The following MITF variants were observed in gnomAD, a reference collection of about 807,000 sequenced individuals.
MITF encodes microphthalmia-associated transcription factor.
MITF carries 17 observed loss-of-function variants against 60.5 expected under a neutral mutation model. The observed-to-expected ratio is 0.28, with a 90% confidence interval of 0.19 to 0.42. MITF has a LOEUF of 0.42. Ranked by LOEUF, MITF falls within the 10% of genes least tolerant of loss-of-function variation. The pLI, the probability that MITF is intolerant of heterozygous loss-of-function variation, is 1.00. For synonymous variants in MITF, 260 were observed against 248.5 expected, an observed-to-expected ratio of 1.05 and a Z score of -0.43; for missense variants, 622 against 683.5, an observed-to-expected ratio of 0.91 and a Z score of 1.00.
intron 1 of MITF, among the ~76,000 whole-genome samples, chr3:69,757,727 C>T (rs1265792074): frequency 6.6e-6 from 1 of 152,010 alleles, no homozygotes; most frequent in African/African-American, 2.4e-5. Context: ...GTAAGAGATC[C>T]GACTTTTACT....
chr3:69,819,965 A>G (rs1314309396), intron 1 of MITF, among the ~76,000 whole-genome samples: 1 of 152,180 alleles, frequency 6.6e-6, no homozygotes, highest in Non-Finnish European at 1.5e-5. Context: ...CTCTGTCTCA[A>G]AAAACAAACA....
At chr3:69,874,935 G>A (rs1002529579) in intron 1 of MITF, among the ~76,000 whole-genome samples, 2 of 152,170 alleles carry the variant, frequency 1.3e-5, no homozygotes, top group African/African-American at 4.8e-5. Context: ...GAAGAGGGAG[G>A]CTTTGAAGGT....
At chr3:69,857,453 A>G (rs1279027609) in intron 1 of MITF, among the ~76,000 whole-genome samples, 3 of 152,106 alleles carry the variant, frequency 2.0e-5, no homozygotes, top group African/African-American at 7.2e-5. Flanking sequence ...TGACAATATG[A>G]TAAACAATTC....
At chr3:69,742,999 C>T (rs1168666640) in intron 1 of MITF, among the ~76,000 whole-genome samples, 1 of 152,148 alleles carries the variant, frequency 6.6e-6, no homozygotes, top group Non-Finnish European at 1.5e-5. Context: ...CTGCAAACTC[C>T]AAGGGAACAG....
At chr3:69,950,464 A>G (rs1248034470) in intron 6 of MITF, among the ~76,000 whole-genome samples, 1 of 148,508 alleles carries the variant, frequency 6.7e-6, no homozygotes, top group Non-Finnish European at 1.5e-5. Context: ...ATATATATAT[A>G]TATATATATA....
chr3:69,921,843 T>A (rs1481548982), intron 2 of MITF, among the ~76,000 whole-genome samples: 1 of 152,214 alleles, frequency 6.6e-6, no homozygotes, highest in Non-Finnish European at 1.5e-5. Context: ...TGTGGCATTA[T>A]TAACACTGGG....
At chr3:69,791,692 C>G (rs1339968590) in intron 1 of MITF, among the ~76,000 whole-genome samples, 2 of 152,072 alleles carry the variant, frequency 1.3e-5, no homozygotes, top group East Asian at 1.9e-4. Context: ...CAAGATAGGG[C>G]TGGTGGCATC....
At chr3:69,897,191 G>A (rs1235710003) in intron 2 of MITF, among the ~76,000 whole-genome samples, 2 of 152,158 alleles carry the variant, frequency 1.3e-5, no homozygotes, top group African/African-American at 2.4e-5. Context: ...GAAGAAGGTG[G>A]TTAAGGTGGA....
At chr3:69,886,048 G>T (rs2107301944) in intron 2 of MITF, among the ~76,000 whole-genome samples, 1 of 152,230 alleles carries the variant, frequency 6.6e-6, no homozygotes, top group South Asian at 2.1e-4. Flanking sequence ...CAAGTAGGTG[G>T]TGCAGTCAGG....
chr3:69,949,266 C>T, intron 6 of MITF, 98 bp downstream of exon 6: 3 of 908,046 alleles, frequency 3.3e-6, no homozygotes, highest in Non-Finnish European at 3.7e-6. Context: ...ATATCCAACT[C>T]ATGGACGTAA....
intron 7 of MITF, 135 bp downstream of exon 7, chr3:69,952,021 T>C: frequency 1.4e-6 from 1 of 716,706 alleles, no homozygotes; most frequent in Non-Finnish European, 2.5e-6. Flanking sequence ...GAAAATTGTA[T>C]TTGACAGAAA....
intron 9 of MITF, 60 bp downstream of exon 9, chr3:69,959,480 C>T: frequency 6.3e-7 from 1 of 1,598,478 alleles, no homozygotes; most frequent in Non-Finnish European, 8.6e-7. Context: ...ACAGTAGAAA[C>T]AGGGATATAA....
chr3:69,751,784 G>A (rs1703950278), intron 1 of MITF, among the ~76,000 whole-genome samples: 1 of 152,052 alleles, frequency 6.6e-6, no homozygotes, highest in Non-Finnish European at 1.5e-5. Flanking sequence ...TTGGATCTGT[G>A]TCTCTACCAT....
intron 2 of MITF, among the ~76,000 whole-genome samples, chr3:69,899,783 A>G (rs1489649851): frequency 6.6e-6 from 1 of 152,188 alleles, no homozygotes; most frequent in East Asian, 1.9e-4. Flanking sequence ...TAACTTCAGG[A>G]GACATGAATT....
At chr3:69,919,494 T>G (rs2107422119) in intron 2 of MITF, among the ~76,000 whole-genome samples, 1 of 152,356 alleles carries the variant, frequency 6.6e-6, no homozygotes, top group Admixed American at 6.5e-5. Flanking sequence ...TTAAATTTTT[T>G]TTTGTAAACC....
In MITF at chr3:69,848,389, A is replaced by G. The variant is rs78804600; in HGVS notation, c.105-30745A>G. On this transcript the variant is annotated intron_variant, in intron 1 of 9. Coordinates refer to ENST00000352241, the MANE Select transcript of MITF (RefSeq NM_001354604.2). ...ATTGGCTGGCCATGGAATATTTTAAAGAGCAAGGGTTTTGTGAATGTTCTG... is the reference window on the plus strand; with the variant it reads ...ATTGGCTGGCCATGGAATATTTTAAGGAGCAAGGGTTTTGTGAATGTTCTG... Among the ~76,000 whole-genome samples the G allele has an allele frequency of 6.4e-4, 98 of 152,372 alleles. No individual in the cohort carries two copies. In the East Asian group the frequency reaches 0.017, roughly 27 times the overall value.
chr3:69,831,961 A>G (rs1207241461), intron 1 of MITF, among the ~76,000 whole-genome samples: 1 of 152,162 alleles, frequency 6.6e-6, no homozygotes, highest in Non-Finnish European at 1.5e-5. Context: ...TTCCCTAGGT[A>G]TAGCCAGCCA....
At chr3:69,765,850 A>C (rs2062282668) in intron 1 of MITF, among the ~76,000 whole-genome samples, 1 of 152,216 alleles carries the variant, frequency 6.6e-6, no homozygotes, top group Non-Finnish European at 1.5e-5. Flanking sequence ...GCCTTCTAAC[A>C]TTGCAATGAT....
chr3:69,844,282 A>G (rs13098278), intron 1 of MITF, among the ~76,000 whole-genome samples: 2,433 of 152,300 alleles, frequency 0.016, 40 homozygotes, highest in South Asian at 0.093. Flanking sequence ...TATATAGAAC[A>G]ATGGAACAAA....
Sources: gnomAD v4.1 joint callset for allele counts (sites outside exome capture counted in the v4.1 genomes callset) on GRCh38, gnomAD v4.1.1 for gene constraint, MANE v1.5 for transcripts, NCBI Gene and HGNC (gene_info 2026-07-23, HGNC 2026-07-21) for gene names.